The following AKAP6 variants were observed in gnomAD, a reference collection of about 807,000 sequenced individuals.
AKAP6 encodes the protein A-kinase anchor protein 6.
AKAP6 carries 58 observed loss-of-function variants against 188.5 expected under a neutral mutation model. The ratio of observed to expected loss-of-function variants is 0.31; its 90% CI spans 0.25 to 0.38. The LOEUF is 0.38. Ranked by LOEUF, AKAP6 falls within the 10% of genes least tolerant of loss-of-function variation. The pLI, the probability that AKAP6 is intolerant of heterozygous loss-of-function variation, is 1.00. For synonymous variants in AKAP6, 989 were observed against 998.6 expected (o/e 0.99, Z 0.18); for missense variants, 2,710 against 2,740.0 (o/e 0.99, Z 0.24).
intron 1 of AKAP6, among the ~76,000 whole-genome samples, chr14:32,352,219 G>A (rs1259392069): frequency 6.7e-6 from 1 of 149,690 alleles, no homozygotes; most frequent in Non-Finnish European, 1.5e-5. Context: ...TCTTTCATTG[G>A]TTAGCTTCAC....
chr14:32,625,658 A>G (rs1179603185), intron 7 of AKAP6, among the ~76,000 whole-genome samples: 2 of 152,264 alleles, frequency 1.3e-5, no homozygotes, highest in South Asian at 2.1e-4. Flanking sequence ...AATAAAAAAA[A>G]AAAACCCTTC....
intron 9 of AKAP6, among the ~76,000 whole-genome samples, chr14:32,712,392 C>T (rs1240062340): frequency 1.3e-5 from 2 of 151,902 alleles, no homozygotes; most frequent in African/African-American, 2.4e-5. Flanking sequence ...GGGGTGGCTG[C>T]GGCAATTTCT....
At chr14:32,489,855 G>A (rs562600636) in intron 2 of AKAP6, among the ~76,000 whole-genome samples, 15 of 152,344 alleles carry the variant, frequency 9.8e-5, no homozygotes, top group Non-Finnish European at 1.6e-4. Flanking sequence ...CGTGTGAAGA[G>A]ACCACCAAAC....
intron 1 of AKAP6, among the ~76,000 whole-genome samples, chr14:32,429,858 A>G (rs2138694570): frequency 6.6e-6 from 1 of 152,160 alleles, no homozygotes; most frequent in East Asian, 1.9e-4. Context: ...TTTGTACTTG[A>G]CTCATATAGG....
At position 32,821,829 on chromosome 14, in the gene AKAP6, T is replaced by A; in HGVS notation, c.4016T>A (p.Leu1339His). 2 of 1,613,874 alleles carry A rather than the reference T, an allele frequency of 1.2e-6. No homozygotes were observed. The highest frequency in any genetic ancestry group is 2.2e-5 in the South Asian group (2 of 91,066). The change falls in exon 13 of 14, where the codon CTT becomes CAT. Residue 1339 changes from leucine to histidine, a missense_variant. This residue lies in a region of AKAP6 where 2,473 missense variants were observed against 2,426.1 expected (regional missense o/e 1.02). Transcript: ENST00000280979. ...SFSSTKSLPD[L>H]LGGSNLVKPC... The stretch of plus-strand genomic sequence containing the variant: ...TCATCTACCAAATCTTTGCCAGATC[T>A]TCTAGGTGGTTCCAATTTGGTAAAG...
chr14:32,540,173 T>C (rs928521911), intron 3 of AKAP6, among the ~76,000 whole-genome samples: 9 of 118,492 alleles, frequency 7.6e-5, no homozygotes, highest in East Asian at 2.4e-4. Context: ...TCTCTCTATA[T>C]ATATATATAT....
At chr14:32,730,044 G>A (rs1169747999) in intron 9 of AKAP6, among the ~76,000 whole-genome samples, 2 of 152,088 alleles carry the variant, frequency 1.3e-5, no homozygotes, top group Non-Finnish European at 2.9e-5. Flanking sequence ...AGACAGAAGA[G>A]CAAAAACATA....
At chr14:32,406,681 C>T (rs1395577718) in intron 1 of AKAP6, among the ~76,000 whole-genome samples, 1 of 151,844 alleles carries the variant, frequency 6.6e-6, no homozygotes, top group Non-Finnish European at 1.5e-5. Context: ...CAATTCAGTC[C>T]CTTATTGTCT....
chr14:32,360,254 A>C (rs1033241836), intron 1 of AKAP6, among the ~76,000 whole-genome samples: 1 of 151,790 alleles, frequency 6.6e-6, no homozygotes, highest in African/African-American at 2.4e-5. Flanking sequence ...CAGCCTCCTG[A>C]GTAGCTGGGA....
At chr14:32,449,458 G>T (rs1766359990) in intron 2 of AKAP6, among the ~76,000 whole-genome samples, 1 of 148,628 alleles carries the variant, frequency 6.7e-6, no homozygotes. Flanking sequence ...GGAGGCAGAG[G>T]TTGCAGTGAG....
Position 32,545,461 on chromosome 14 carries a change from C to T in AKAP6, c.808C>T (p.Arg270Ter). 6.2e-7 allele frequency: 1 copy of T among 1,614,124 alleles called. No homozygotes were observed. The highest frequency in any genetic ancestry group is 8.5e-7 in the Non-Finnish European group (1 of 1,179,990). The change falls in exon 4 of 14, where the codon CGA (arginine) becomes TGA (stop). Residue 270 changes from arginine to a stop codon, truncating the protein, a stop_gained. Coordinates refer to ENST00000280979, the MANE Select transcript of AKAP6 (RefSeq NM_004274.5). LOFTEE classifies it high-confidence loss of function. ...GGAAAAGGAGTTTCCTGAGCTTATCCGAAGTGTTGGTTTACTTACGGTAGC... is the reference window on the plus strand; with the variant it reads ...GGAAAAGGAGTTTCCTGAGCTTATCTGAAGTGTTGGTTTACTTACGGTAGC... ...EMEKEFPELIRSVGLLTVAAD... is the reference protein window; with the variant it reads ...EMEKEFPELI
chr14:32,510,192 A>G (rs989082076), intron 2 of AKAP6, among the ~76,000 whole-genome samples: 7 of 151,558 alleles, frequency 4.6e-5, no homozygotes, highest in Non-Finnish European at 8.8e-5. Flanking sequence ...TCCCATGACT[A>G]CTAATAGTGT....
chr14:32,513,828 CT>C (rs1881377087), intron 2 of AKAP6, among the ~76,000 whole-genome samples: 1 of 152,076 alleles, frequency 6.6e-6, no homozygotes, highest in Admixed American at 6.5e-5. Context: ...CATAGCTATA[CT>C]TTTTTTCTAT....
chr14:32,820,257 G>C lies in AKAP6; in HGVS notation c.3589-1145G>C, dbSNP rs115076018. Among the ~76,000 whole-genome samples the C allele has an allele frequency of 5.7e-3, 863 of 151,922 alleles. 12 individuals are homozygous for C. The highest frequency in any genetic ancestry group is 0.02 in the African/African-American group (813 of 41,382). ...AGTTCTGTTTGTGTTTCTGTCTGTAGGTGAGCCCATCAAGTTCTGCACTAT... is the reference window on the plus strand; with the variant it reads ...AGTTCTGTTTGTGTTTCTGTCTGTACGTGAGCCCATCAAGTTCTGCACTAT... On this transcript the variant is annotated intron_variant, in intron 12 of 13. Coordinates refer to ENST00000280979, the MANE Select transcript of AKAP6 (RefSeq NM_004274.5).
chr14:32,711,056 A>G (rs1891037601), intron 9 of AKAP6, among the ~76,000 whole-genome samples: 1 of 152,030 alleles, frequency 6.6e-6, no homozygotes, highest in Non-Finnish European at 1.5e-5. Context: ...CCCTGGTATA[A>G]ATAATAACTA....
intron 12 of AKAP6, among the ~76,000 whole-genome samples, chr14:32,811,799 A>G (rs1001355211): frequency 6.6e-6 from 1 of 152,170 alleles, no homozygotes; most frequent in African/African-American, 2.4e-5. Context: ...GTAAACCCAC[A>G]TGTTGGCAAA....
At chr14:32,765,016 C>A (rs1315107999) in intron 11 of AKAP6, among the ~76,000 whole-genome samples, 1 of 150,252 alleles carries the variant, frequency 6.7e-6, no homozygotes, top group Non-Finnish European at 1.5e-5. Flanking sequence ...CTCACTGCAA[C>A]CTCTGCCTCC....
intron 2 of AKAP6, among the ~76,000 whole-genome samples, chr14:32,457,313 A>G (rs1891178671): frequency 6.6e-6 from 1 of 152,142 alleles, no homozygotes; most frequent in Non-Finnish European, 1.5e-5. Flanking sequence ...GGCAATGGAC[A>G]TTTTTAGCAG....
chr14:32,764,718 G>GCA (rs1014313374), intron 11 of AKAP6, among the ~76,000 whole-genome samples: 2 of 104,246 alleles, frequency 1.9e-5, no homozygotes, highest in Admixed American at 1.0e-4. Context: ...ACACACACAC[G>GCA]CACACACACA....
Sources: allele counts gnomAD v4.1 joint callset (sites outside exome capture counted in the v4.1 genomes callset), GRCh38; gene constraint gnomAD v4.1.1; regional missense constraint gnomAD v4.1.1; transcripts MANE v1.5; gene names NCBI Gene and HGNC (gene_info 2026-07-23, HGNC 2026-07-21).